MGAT4C: variants seen among roughly 807,000 people sequenced by gnomAD.
MGAT4C encodes the protein MGAT4 family member C.
In MGAT4C, 19 loss-of-function variants were observed where a neutral mutation model predicts 40.1. That is an observed-to-expected ratio of 0.47 (90% CI 0.33 to 0.70). The LOEUF is 0.70. MGAT4C is among the 30% of genes least tolerant of loss of function. The pLI is 0.02. For synonymous variants in MGAT4C, 181 were observed against 187.1 expected, an observed-to-expected ratio of 0.97 and a Z score of 0.27; for missense variants, 491 against 563.2, an observed-to-expected ratio of 0.87 and a Z score of 1.30.
At chr12:86,186,654 T>C (rs964373610) in intron 1 of MGAT4C, among the ~76,000 whole-genome samples, 1 of 152,106 alleles carries the variant, frequency 6.6e-6, no homozygotes, top group Non-Finnish European at 1.5e-5. Flanking sequence ...GACCCCTAGT[T>C]GCACAGGAGA....
At chr12:86,297,046 A>T (rs1048738504) in intron 4 of MGAT4C, among the ~76,000 whole-genome samples, 2 of 152,264 alleles carry the variant, frequency 1.3e-5, no homozygotes, top group Non-Finnish European at 2.9e-5. Context: ...CCTGGAAAAG[A>T]AAATATTTCC....
chr12:86,718,576 A>C (rs1565945973), intron 2 of MGAT4C, among the ~76,000 whole-genome samples: 1 of 152,222 alleles, frequency 6.6e-6, no homozygotes, highest in East Asian at 1.9e-4. Context: ...ATCTCTCTAC[A>C]TCAGGGGTCC....
At chr12:86,674,493 C>T (rs922268814) in intron 2 of MGAT4C, among the ~76,000 whole-genome samples, 1 of 151,984 alleles carries the variant, frequency 6.6e-6, no homozygotes, top group African/African-American at 2.4e-5. Flanking sequence ...GTCGAGAGTT[C>T]GAGACCTGCC....
chr12:86,830,484 A>T (rs1286233133), intron 1 of MGAT4C, among the ~76,000 whole-genome samples: 1 of 151,740 alleles, frequency 6.6e-6, no homozygotes, highest in Non-Finnish European at 1.5e-5. Flanking sequence ...CCTTTAATGT[A>T]GATTTAGTGA....
At chr12:86,359,446 AGC>A (rs1955402452) in intron 3 of MGAT4C, among the ~76,000 whole-genome samples, 1 of 152,166 alleles carries the variant, frequency 6.6e-6, no homozygotes, top group Non-Finnish European at 1.5e-5. Context: ...CACATTCAAA[AGC>A]TAGCAGAAGG....
chr12:86,459,917 A>C (rs570099838), intron 2 of MGAT4C, among the ~76,000 whole-genome samples: 117 of 152,112 alleles, frequency 7.7e-4, no homozygotes, highest in African/African-American at 2.6e-3. Flanking sequence ...CTAACTCTTA[A>C]TTTGAATAAC....
At chr12:86,052,725 T>C (rs927822236) in intron 1 of MGAT4C, among the ~76,000 whole-genome samples, 1 of 151,918 alleles carries the variant, frequency 6.6e-6, no homozygotes, top group Non-Finnish European at 1.5e-5. Context: ...TCCCTTTATA[T>C]AGTTCTTGAT....
Position 85,989,465 on chromosome 12 carries a change from A to C in MGAT4C, c.82T>G (p.Phe28Val), listed in dbSNP as rs749491204. ...RCLRKRSTVS[F>V]LGVLVIFLLF... ...AGAAAAATGACAAGAACTCCCAAGA[A>C]TGACACTGTAGAACGTTTTCTCAGG... The change falls in exon 3 of 5, where the codon TTC (phenylalanine) becomes GTC (valine). Residue 28 changes from phenylalanine to valine, a missense_variant. By Grantham distance (50) the Phe-to-Val change is conservative. Coordinates refer to ENST00000611864, the MANE Select transcript of MGAT4C (RefSeq NM_001351288.2). 5.6e-6 allele frequency: 9 copies of C among 1,608,200 alleles called. No individual in the cohort carries two copies. Among genetic ancestry groups the C allele is most frequent in the African/African-American group, 1.3e-5 (1 of 74,896 alleles).
intron 3 of MGAT4C, among the ~76,000 whole-genome samples, chr12:86,362,718 T>A (rs1955504766): frequency 6.7e-6 from 1 of 149,362 alleles, no homozygotes; most frequent in Admixed American, 6.7e-5. Context: ...AAAAAAAAAA[T>A]TAGCCGGGCA....
chr12:86,593,384 C>G (rs1252688520), intron 2 of MGAT4C, among the ~76,000 whole-genome samples: 1 of 151,884 alleles, frequency 6.6e-6, no homozygotes, highest in African/African-American at 2.4e-5. Context: ...AATTTCTGCT[C>G]TAATTTTCAA....
At chr12:86,298,785 C>T (rs189810413) in intron 4 of MGAT4C, among the ~76,000 whole-genome samples, 4 of 152,068 alleles carry the variant, frequency 2.6e-5, no homozygotes, top group Admixed American at 6.5e-5. Flanking sequence ...AGACTGTAAG[C>T]AAGAAATGAG....
chr12:85,956,726 T>A lies in MGAT4C; in HGVS notation c.*22563A>T, dbSNP rs1056337153. The A allele has an allele frequency of 1.3e-5, 2 of 152,220 alleles. No individual in the cohort carries two copies. The highest frequency in any genetic ancestry group is 4.8e-5 in the African/African-American group (2 of 41,466). The allele number at this position is 152,220 out of a possible 1,614,324, so 9.4% of individuals were successfully genotyped here. ...GTCAATAAATCATGAGCCCAAAGTC[T>A]ATCCTCAACCAATCTAATCATGCAC... is the stretch of plus-strand genomic sequence containing the variant. On this transcript the variant is annotated 3_prime_UTR_variant, in exon 5 of 5. Coordinates refer to ENST00000611864, the MANE Select transcript of MGAT4C (RefSeq NM_001351288.2).
In MGAT4C at chr12:86,563,644, C is replaced by G. The variant is rs188001625; in HGVS notation, c.-228-128379G>C. On this transcript the variant is annotated intron_variant, in intron 2 of 7. Transcript: ENST00000548651. Reference sequence around the variant, plus strand: ...TTTCTCCCATCCTTCCCCAAGGAGACCTCTGGTCTTTTACCAGGGTAACTG... The same window carrying G: ...TTTCTCCCATCCTTCCCCAAGGAGAGCTCTGGTCTTTTACCAGGGTAACTG... Among the ~76,000 whole-genome samples, 827 of 152,302 alleles carry G rather than the reference C, an allele frequency of 5.4e-3. 4 individuals carry two copies. Among genetic ancestry groups the G allele is most frequent in the Non-Finnish European group, 9.0e-3 (614 of 68,016 alleles).
chr12:86,105,501 T>C (rs1565988427), intron 1 of MGAT4C, among the ~76,000 whole-genome samples: 1 of 152,152 alleles, frequency 6.6e-6, no homozygotes, highest in African/African-American at 2.4e-5. Context: ...ATAACCTATA[T>C]TGATTGAGTT....
At chr12:86,821,356 C>A (rs2136226832) in intron 1 of MGAT4C, among the ~76,000 whole-genome samples, 1 of 150,766 alleles carries the variant, frequency 6.6e-6, no homozygotes, top group Middle Eastern at 3.4e-3. Context: ...AACGTTTAAT[C>A]TTTTTAAATT....
chr12:86,759,747 C>T (rs753412102), intron 1 of MGAT4C, among the ~76,000 whole-genome samples: 15 of 151,932 alleles, frequency 9.9e-5, no homozygotes, highest in Non-Finnish European at 2.1e-4. Flanking sequence ...ATGTGTGTTG[C>T]TGTTGAATTA....
At chr12:86,576,007 T>C (rs933041608) in intron 2 of MGAT4C, among the ~76,000 whole-genome samples, 1 of 151,984 alleles carries the variant, frequency 6.6e-6, no homozygotes, top group Non-Finnish European at 1.5e-5. Flanking sequence ...TGCCTGTTTT[T>C]AGATGTAAGC....
At chr12:86,019,669 T>C (rs1889462329) in intron 2 of MGAT4C, among the ~76,000 whole-genome samples, 2 of 152,138 alleles carry the variant, frequency 1.3e-5, no homozygotes, top group South Asian at 2.1e-4. Context: ...GACTTGGCAA[T>C]GTGGGCTTTT....
At chr12:86,561,298 T>C (rs939176162) in intron 2 of MGAT4C, among the ~76,000 whole-genome samples, 2 of 152,164 alleles carry the variant, frequency 1.3e-5, no homozygotes, top group African/African-American at 4.8e-5. Flanking sequence ...CTTGACTGAA[T>C]TGAAGGATGC....
Sources: gnomAD v4.1 joint callset for allele counts (sites outside exome capture counted in the v4.1 genomes callset) on GRCh38, gnomAD v4.1.1 for gene constraint, MANE v1.5 for transcripts, NCBI Gene and HGNC (gene_info 2026-07-23, HGNC 2026-07-21) for gene names.